The following PTPRS variants were observed in gnomAD, a reference collection of about 807,000 sequenced individuals.
PTPRS encodes protein tyrosine phosphatase receptor type S.
In PTPRS, 63 loss-of-function variants were observed where a neutral mutation model predicts 215.3. The observed-to-expected ratio is 0.29, with a 90% CI of 0.24 to 0.36. The LOEUF (loss-of-function observed/expected upper bound fraction) is 0.36, where lower values mean the gene tolerates loss of function less well. Ranked by LOEUF, PTPRS falls within the 10% of genes least tolerant of loss-of-function variation. PTPRS has a pLI of 1.00. For missense variants in PTPRS, 2,258 were observed against 2,825.8 expected (o/e 0.80, Z 4.56); for synonymous variants, 1,404 against 1,191.4 (o/e 1.18, Z -3.68).
chr19:5,303,161 T>A (rs544343290), intron 1 of PTPRS, among the ~76,000 whole-genome samples: 90 of 152,286 alleles, frequency 5.9e-4, no homozygotes, highest in African/African-American at 1.9e-3. Flanking sequence ...CCAAGGGAGC[T>A]GTGTGGGCCT....
At chr19:5,305,759 A>G (rs969981667) in intron 1 of PTPRS, among the ~76,000 whole-genome samples, 6 of 114,944 alleles carry the variant, frequency 5.2e-5, no homozygotes, top group Admixed American at 1.7e-4. Context: ...ATATATATAT[A>G]TATATATTTT....
Position 5,253,631 on chromosome 19 carries a change from T to C in PTPRS, c.718+2477A>G, listed in dbSNP as rs192541344. On this transcript the variant is annotated intron_variant, in intron 9 of 37. Transcript: ENST00000262963. ...GGATGGGGCTGGAGCCAGGAGAAAA[T>C]GAGATCATGAGATGAGCTCAGGAAA... 4.7e-3 allele frequency among the ~76,000 whole-genome samples: 711 copies of C among 152,232 alleles called. 5 individuals carry two copies. The highest frequency in any genetic ancestry group is 0.024 in the South Asian group (117 of 4,820).
chr19:5,208,023 G>T lies in PTPRS; in HGVS notation c.5677C>A (p.Leu1893Ile). The T allele has an allele frequency of 6.2e-7, 1 of 1,613,888 alleles. No individual in the cohort carries two copies. The highest frequency in any genetic ancestry group is 1.1e-5 in the South Asian group (1 of 91,092). ...GVGRTGVFIT[L>I]SIVLERMRYE... ...CGCATCCGCTCCAGCACGATGCTAA[G>T]CGTGATGAAGACGCCCGTCCTGCCC... Residue 1893 changes from leucine (L) to isoleucine (I), a missense_variant, in exon 37 of 38, where the codon CTT (leucine) becomes ATT (isoleucine). By Grantham distance (5) the Leu-to-Ile change is conservative. This residue lies in a region of PTPRS where 89 missense variants were observed against 104.0 expected (regional missense o/e 0.86). Transcript: ENST00000262963.
chr19:5,266,898 C>T (rs2046440492), intron 4 of PTPRS, among the ~76,000 whole-genome samples: 1 of 152,154 alleles, frequency 6.6e-6, no homozygotes, highest in Admixed American at 6.5e-5. Flanking sequence ...CATCTGTCTA[C>T]TGATCGGAAC....
intron 1 of PTPRS, among the ~76,000 whole-genome samples, chr19:5,317,998 C>T (rs1279919868): frequency 1.3e-5 from 2 of 152,122 alleles, no homozygotes; most frequent in South Asian, 2.1e-4. Flanking sequence ...GGTGAAACCC[C>T]GTCTCTACTA....
Position 5,229,535 on chromosome 19 carries a change from G to T in PTPRS, c.2305C>A (p.Arg769Ser). 1 of 1,464,574 alleles carries T rather than the reference G, an allele frequency of 6.8e-7. No individual in the cohort carries two copies. The allele number at this position is 1,464,574 out of a possible 1,614,324, so 90.7% of individuals were successfully genotyped here. A position where few individuals can be genotyped will look rare whatever the true frequency, so the allele number is the denominator to read the frequency against. Residue 769 changes from arginine to serine, a missense_variant, in exon 15 of 38, where the codon CGC becomes AGC. Around this residue, in one of 6 missense-constraint regions of PTPRS, gnomAD observed 371 missense variants for 446.7 expected, o/e 0.83. Coordinates refer to ENST00000262963, the MANE Select transcript of PTPRS (RefSeq NM_002850.4). ...ACGTCCTTGATGCGCGGCGGCCCGC[G>T]GGCCTCGGCGCCCTCCATGCGCACG... ...HYVRMEGAEA[R>S]GPPRIKDVML... is the part of the protein sequence containing the mutation.
intron 1 of PTPRS, among the ~76,000 whole-genome samples, chr19:5,340,276 C>G (rs1289506192): frequency 6.6e-6 from 1 of 150,532 alleles, no homozygotes; most frequent in African/African-American, 2.4e-5. Context: ...TCCGCACACA[C>G]GCGCGCCCCC....
At chr19:5,310,160 T>G (rs1206249864) in intron 1 of PTPRS, among the ~76,000 whole-genome samples, 2 of 152,044 alleles carry the variant, frequency 1.3e-5, no homozygotes, top group Non-Finnish European at 2.9e-5. Flanking sequence ...GGCTGTGCCC[T>G]CTGCCTGGAA....
chr19:5,225,628 T>C, intron 17 of PTPRS, 99 bp downstream of exon 17: 2 of 1,063,532 alleles, frequency 1.9e-6, no homozygotes, highest in Non-Finnish European at 1.4e-6. Context: ...TGGTGCACCC[T>C]CTGCCTGCCC....
intron 1 of PTPRS, among the ~76,000 whole-genome samples, chr19:5,314,080 T>C (rs1023005773): frequency 3.3e-5 from 5 of 151,830 alleles, no homozygotes; most frequent in African/African-American, 1.2e-4. Flanking sequence ...GAGGCTGCAG[T>C]GAGCTACAAT....
intron 1 of PTPRS, among the ~76,000 whole-genome samples, chr19:5,330,863 G>A (rs992060013): frequency 3.9e-5 from 6 of 152,092 alleles, no homozygotes; most frequent in South Asian, 2.1e-4. Context: ...CTGATATCTG[G>A]GAGTTGAAGC....
chr19:5,261,878 C>T (rs943685092), intron 6 of PTPRS, among the ~76,000 whole-genome samples: 1 of 152,160 alleles, frequency 6.6e-6, no homozygotes, highest in Non-Finnish European at 1.5e-5. Context: ...CAGAAGTTTG[C>T]CTAAAGTTAC....
chr19:5,240,194 C>T lies in PTPRS; in HGVS notation c.1704+5G>A. Reference sequence around the variant, plus strand: ...GCAGGCCAGCCCGTCCCCGCGCTGCCTCACCTCCCGGCCATGGTCGCCTTC... The same window carrying T: ...GCAGGCCAGCCCGTCCCCGCGCTGCTTCACCTCCCGGCCATGGTCGCCTTC... On this transcript the variant is annotated splice_donor_5th_base_variant and intron_variant, in intron 12 of 37. Coordinates refer to ENST00000262963, the MANE Select transcript of PTPRS (RefSeq NM_002850.4). The T allele has an allele frequency of 1.3e-6, 2 of 1,537,416 alleles. No individual in the cohort carries two copies. Among genetic ancestry groups the T allele is most frequent in the Non-Finnish European group, 1.8e-6 (2 of 1,141,008 alleles).
intron 7 of PTPRS, among the ~76,000 whole-genome samples, chr19:5,258,710 G>A (rs993113201): frequency 1.7e-4 from 26 of 152,250 alleles, no homozygotes; most frequent in Non-Finnish European, 3.2e-4. Flanking sequence ...TACTTCTTCA[G>A]GTGTGTTTGA....
At chr19:5,304,954 G>A (rs555320504) in intron 1 of PTPRS, among the ~76,000 whole-genome samples, 1 of 137,860 alleles carries the variant, frequency 7.3e-6, no homozygotes, top group African/African-American at 3.4e-5. Context: ...GGGCTGGTGA[G>A]GGGGGGTGGG....
In PTPRS at chr19:5,237,916, G is replaced by A. The variant is rs561933772; in HGVS notation, c.1849+1003C>T. 8.9e-5 allele frequency among the ~76,000 whole-genome samples: 13 copies of A among 145,670 alleles called. No homozygotes were observed. The South Asian group carries it at 1.2e-3, about 14-fold the overall frequency. ...CCGATCCCAGCGGCTCAGATGCCCC[G>A]GCTGGAGTTGATGTTAACCCTTCGA... On this transcript the variant is annotated intron_variant, in intron 13 of 37. Transcript: ENST00000262963. This position sits in a 1 kb window ranked among gnomAD's most constrained non-coding sequence, Gnocchi z 4.2.
At chr19:5,286,865 C>A (rs1028013108) in intron 1 of PTPRS, among the ~76,000 whole-genome samples, 1 of 152,002 alleles carries the variant, frequency 6.6e-6, no homozygotes, top group African/African-American at 2.4e-5. Flanking sequence ...AGGACCTGAG[C>A]CCCTGACTCA....
chr19:5,223,330 A>C, intron 17 of PTPRS, 33 bp from the exon 18 acceptor site: 1 of 1,430,472 alleles, frequency 7.0e-7, no homozygotes, highest in South Asian at 1.5e-5. Flanking sequence ...TCAGGGTCCC[A>C]GCGCCATCCG....
chr19:5,257,897 GA>G lies in PTPRS; in HGVS notation c.706+119del. 1 of 810,048 alleles carries G rather than the reference GA, an allele frequency of 1.2e-6. No homozygotes were observed. Among genetic ancestry groups the G allele is most frequent in the Non-Finnish European group, 2.0e-6 (1 of 506,928 alleles). 50.2% of individuals were successfully genotyped at this position (810,048 alleles called of 1,614,324 possible). ...CGGCCAAGGTCCCACCGCGACCGGG[GA>G]GGGGCCTTCCTGCTTGGGTGTGCAG... is the stretch of plus-strand genomic sequence containing the variant. On this transcript the variant is annotated intron_variant, in intron 8 of 37. Transcript: ENST00000262963. The surrounding 1 kb of genome is among the most constrained non-coding windows in gnomAD (Gnocchi z 4.4).
Sources: allele counts gnomAD v4.1 joint callset (sites outside exome capture counted in the v4.1 genomes callset), GRCh38; gene constraint gnomAD v4.1.1; regional missense constraint gnomAD v4.1.1; non-coding constraint Gnocchi (gnomAD v3.1); transcripts MANE v1.5; gene names NCBI Gene and HGNC (gene_info 2026-07-23, HGNC 2026-07-21).